Variants in PTPRG observed in about 807,000 individuals in gnomAD.
PTPRG encodes the protein receptor-type tyrosine-protein phosphatase gamma.
PTPRG carries 102 observed loss-of-function variants against 165.3 expected under a neutral mutation model. That is an observed-to-expected ratio of 0.62 (90% CI 0.53 to 0.73). The LOEUF (loss-of-function observed/expected upper bound fraction) is 0.73, where lower values mean the gene tolerates loss of function less well. PTPRG is among the 30% of genes least tolerant of loss of function. PTPRG has a pLI of 0.00. For missense variants in PTPRG, 1,866 were observed against 1,861.4 expected (o/e 1.00, Z -0.05); for synonymous variants, 675 against 669.5 (o/e 1.01, Z -0.13).
chr3:62,025,788 G>C (rs1349630219), intron 4 of PTPRG, among the ~76,000 whole-genome samples: 1 of 152,164 alleles, frequency 6.6e-6, no homozygotes, highest in African/African-American at 2.4e-5. Flanking sequence ...GCTCTGTATA[G>C]TCTTCAGTGA....
chr3:61,572,409 GA>G (rs1700076967), intron 1 of PTPRG, among the ~76,000 whole-genome samples: 1 of 152,156 alleles, frequency 6.6e-6, no homozygotes. Flanking sequence ...TCTAAAATGA[GA>G]AACGAAGCTC....
chr3:61,802,489 T>C (rs908824981), intron 2 of PTPRG, among the ~76,000 whole-genome samples: 4 of 152,210 alleles, frequency 2.6e-5, no homozygotes, highest in Non-Finnish European at 4.4e-5. Context: ...AGGGGAAGTG[T>C]TGTCAAACAG....
intron 2 of PTPRG, among the ~76,000 whole-genome samples, chr3:61,817,713 A>C (rs1304484971): frequency 6.6e-6 from 1 of 152,192 alleles, no homozygotes; most frequent in African/African-American, 2.4e-5. Flanking sequence ...CATATTGCAG[A>C]TGCCCATGGG....
At chr3:61,728,553 A>G (rs1334778657) in intron 1 of PTPRG, among the ~76,000 whole-genome samples, 1 of 152,178 alleles carries the variant, frequency 6.6e-6, no homozygotes, top group Non-Finnish European at 1.5e-5. Flanking sequence ...ACTGCCCTCC[A>G]GCCTGGAAGA....
intron 2 of PTPRG, among the ~76,000 whole-genome samples, chr3:61,772,823 G>C (rs1316739093): frequency 1.3e-5 from 2 of 152,182 alleles, no homozygotes; most frequent in Non-Finnish European, 2.9e-5. Context: ...TTTTGTAGGA[G>C]AGATGGTCAA....
chr3:62,059,498 A>C (rs948300443), intron 4 of PTPRG, among the ~76,000 whole-genome samples: 4 of 152,232 alleles, frequency 2.6e-5, no homozygotes, highest in African/African-American at 9.6e-5. Context: ...TTAAAGCGTC[A>C]TAGAATCTCA....
At chr3:61,680,371 C>T (rs990922188) in intron 1 of PTPRG, among the ~76,000 whole-genome samples, 12 of 151,884 alleles carry the variant, frequency 7.9e-5, no homozygotes, top group South Asian at 2.1e-4. Flanking sequence ...GCACCAGCAT[C>T]GGCCTGCATG....
chr3:61,938,257 A>G (rs945958060), intron 2 of PTPRG, among the ~76,000 whole-genome samples: 3 of 146,146 alleles, frequency 2.1e-5, no homozygotes, highest in East Asian at 2.0e-4. Context: ...TTTTACTTTA[A>G]AAGTTTTTTT....
At chr3:62,171,167 G>A (rs778788368) in intron 8 of PTPRG, among the ~76,000 whole-genome samples, 40 of 152,244 alleles carry the variant, frequency 2.6e-4, no homozygotes, top group South Asian at 8.3e-4. Context: ...ATCCATTTCA[G>A]TATACATGCA....
chr3:61,818,180 C>CTA (rs1300143448), intron 2 of PTPRG, among the ~76,000 whole-genome samples: 4 of 151,972 alleles, frequency 2.6e-5, no homozygotes, highest in Non-Finnish European at 5.9e-5. Context: ...CACTTGAACT[C>CTA]TATATAAAGT....
chr3:61,991,498 A>G (rs2040889027), intron 3 of PTPRG, among the ~76,000 whole-genome samples: 1 of 152,156 alleles, frequency 6.6e-6, no homozygotes, highest in African/African-American at 2.4e-5. Flanking sequence ...GAGCCACTGC[A>G]CCTGGCCTGT....
At chr3:62,099,370 A>C (rs1329148934) in intron 5 of PTPRG, among the ~76,000 whole-genome samples, 1 of 152,234 alleles carries the variant, frequency 6.6e-6, no homozygotes, top group South Asian at 2.1e-4. Flanking sequence ...CTGAAAATTA[A>C]TTCTAAGAAA....
intron 2 of PTPRG, among the ~76,000 whole-genome samples, chr3:61,829,896 A>G (rs1297133690): frequency 6.6e-6 from 1 of 152,298 alleles, no homozygotes; most frequent in African/African-American, 2.4e-5. Flanking sequence ...CTTGCTTGTG[A>G]TCTGGTTGGG....
chr3:61,696,086 T>A (rs993187719), intron 1 of PTPRG, among the ~76,000 whole-genome samples: 1 of 152,202 alleles, frequency 6.6e-6, no homozygotes, highest in South Asian at 2.1e-4. Flanking sequence ...GGTGTTGTTA[T>A]GAGAACAAAC....
In PTPRG at chr3:61,869,032, A is replaced by C. The variant is rs150582418; in HGVS notation, c.190+120050A>C. 3.5e-3 allele frequency among the ~76,000 whole-genome samples: 533 copies of C among 152,052 alleles called. 2 individuals carry two copies. Among genetic ancestry groups the C allele is most frequent in the African/African-American group, 0.012 (503 of 41,452 alleles). On this transcript the variant is annotated intron_variant, in intron 2 of 29. Transcript: ENST00000474889. The stretch of plus-strand genomic sequence containing the variant: ...TAGTTTCCACGCTTCATAAAGCATT[A>C]GGAGGACGGCATTTCACTTGCCGTT...
intron 1 of PTPRG, among the ~76,000 whole-genome samples, chr3:61,746,335 C>T (rs1476221814): frequency 1.3e-5 from 2 of 151,206 alleles, no homozygotes; most frequent in Non-Finnish European, 2.9e-5. Flanking sequence ...TCTCCTGCCT[C>T]AGCTGGGGCT....
At chr3:62,029,444 A>G (rs1699690627) in intron 4 of PTPRG, among the ~76,000 whole-genome samples, 2 of 152,336 alleles carry the variant, frequency 1.3e-5, no homozygotes, top group Non-Finnish European at 2.9e-5. Flanking sequence ...TCACATTCCT[A>G]GCGCACCCTT....
At chr3:61,844,491 A>G (rs935687090) in intron 2 of PTPRG, among the ~76,000 whole-genome samples, 2 of 152,082 alleles carry the variant, frequency 1.3e-5, no homozygotes, top group East Asian at 1.9e-4. Context: ...TTAAGTGGGC[A>G]TCTGTTTTTG....
At chr3:61,961,121 A>G (rs553809667) in intron 2 of PTPRG, among the ~76,000 whole-genome samples, 3 of 152,304 alleles carry the variant, frequency 2.0e-5, no homozygotes, top group East Asian at 3.9e-4. Flanking sequence ...CATTATCATC[A>G]TTATCTCCAT....
Sources: allele counts gnomAD v4.1 joint callset (sites outside exome capture counted in the v4.1 genomes callset), GRCh38; gene constraint gnomAD v4.1.1; transcripts MANE v1.5; gene names NCBI Gene and HGNC (gene_info 2026-07-23, HGNC 2026-07-21).